Variants in VWF observed in about 807,000 individuals in gnomAD.
VWF encodes the protein Factor VIII related antigen.
A neutral mutation model predicts 308.6 loss-of-function variants in VWF; 176 were observed. The ratio of observed to expected loss-of-function variants is 0.57; its 90% CI spans 0.50 to 0.65. The LOEUF (loss-of-function observed/expected upper bound fraction) is 0.65. VWF is among the 30% of genes least tolerant of loss of function. The probability of loss-of-function intolerance (pLI) is 0.00; values close to 1 mark genes in which losing one functional copy is unlikely to be tolerated. For synonymous variants in VWF, 1,385 were observed against 1,443.4 expected (o/e 0.96, Z 0.92); for missense variants, 3,146 against 3,648.2 (o/e 0.86, Z 3.55).
At chr12:6,013,350 A>G in intron 32 of VWF, 131 bp downstream of exon 32, 2 of 1,152,544 alleles carry the variant, frequency 1.7e-6, no homozygotes, top group South Asian at 2.5e-5. Context: ...GGTCTATATA[A>G]TAATCTTCAT....
rs998158593 is a variant in VWF, at chr12:6,044,454, C to T, written c.2282-3G>A. The T allele has an allele frequency of 1.4e-5, 23 of 1,613,822 alleles. No individual in the cohort carries two copies. The highest frequency in any genetic ancestry group is 1.9e-5 in the Non-Finnish European group (22 of 1,179,960). The stretch of plus-strand genomic sequence containing the variant: ...CCGACAGGATAGGCTCCTTTTGCCT[C>T]GAAGGTAGGAAAAGCAAAGAGATGA... On this transcript the variant is annotated splice_polypyrimidine_tract_variant and splice_region_variant and intron_variant, in intron 17 of 51. Coordinates refer to ENST00000261405, the MANE Select transcript of VWF (RefSeq NM_000552.5).
chr12:6,110,038 G>A (rs927272061), intron 5 of VWF, among the ~76,000 whole-genome samples: 1 of 152,174 alleles, frequency 6.6e-6, no homozygotes, highest in Admixed American at 6.5e-5. Flanking sequence ...GGATGGTGTG[G>A]AGGACCGACC....
At chr12:6,099,125 G>A (rs1164292808) in intron 5 of VWF, among the ~76,000 whole-genome samples, 1 of 151,972 alleles carries the variant, frequency 6.6e-6, no homozygotes, top group African/African-American at 2.4e-5. Flanking sequence ...TTCAAGATCA[G>A]CCTGTCCAAC....
At chr12:5,973,248 C>T (rs1006879768) in intron 43 of VWF, among the ~76,000 whole-genome samples, 5 of 152,222 alleles carry the variant, frequency 3.3e-5, no homozygotes, top group Non-Finnish European at 5.9e-5. Context: ...CTTATATCGA[C>T]ATTTGATATC....
chr12:6,069,583 G>A (rs1281716005), intron 10 of VWF, among the ~76,000 whole-genome samples: 2 of 152,202 alleles, frequency 1.3e-5, no homozygotes, highest in African/African-American at 2.4e-5. Context: ...ATGGCAGGGT[G>A]TGGAAATATG....
At chr12:6,041,355 G>A (rs558261723) in intron 18 of VWF, among the ~76,000 whole-genome samples, 2 of 151,862 alleles carry the variant, frequency 1.3e-5, no homozygotes, top group Non-Finnish European at 1.5e-5. Context: ...ACTAGAACCT[G>A]GGAGGTGGGG....
At chr12:6,028,673 G>A (rs891470784) in intron 22 of VWF, among the ~76,000 whole-genome samples, 1 of 152,156 alleles carries the variant, frequency 6.6e-6, no homozygotes, top group African/African-American at 2.4e-5. Flanking sequence ...CTTCATAAGT[G>A]AAAGAGAAAT....
intron 15 of VWF, among the ~76,000 whole-genome samples, chr12:6,054,767 A>G (rs1944557679): frequency 7.2e-6 from 1 of 138,634 alleles, no homozygotes; most frequent in Admixed American, 8.1e-5. Flanking sequence ...GTGCTCCCTG[A>G]GTGTCTCCAA....
At chr12:6,039,420 C>CT (rs1361855828) in intron 18 of VWF, among the ~76,000 whole-genome samples, 2 of 152,206 alleles carry the variant, frequency 1.3e-5, no homozygotes, top group African/African-American at 4.8e-5. Context: ...TCTCCAGAAT[C>CT]TTTTTTACCT....
At chr12:6,103,312 G>A (rs1442501688) in intron 5 of VWF, among the ~76,000 whole-genome samples, 1 of 151,378 alleles carries the variant, frequency 6.6e-6, no homozygotes, top group Non-Finnish European at 1.5e-5. Flanking sequence ...GGGCAACAGA[G>A]CGAGACTCCG....
chr12:6,106,118 C>T (rs1219523459), intron 5 of VWF, among the ~76,000 whole-genome samples: 1 of 152,172 alleles, frequency 6.6e-6, no homozygotes, highest in African/African-American at 2.4e-5. Flanking sequence ...GCTTTATTCA[C>T]TATAGGCAAA....
chr12:6,081,947 T>C (rs1002000825), intron 6 of VWF, among the ~76,000 whole-genome samples: 2 of 152,206 alleles, frequency 1.3e-5, no homozygotes, highest in African/African-American at 2.4e-5. Flanking sequence ...TTGGAATTTA[T>C]CGTTCTTTTT....
At chr12:6,011,518 A>G (rs968027110) in intron 34 of VWF, 99 bp downstream of exon 34, 2 of 997,158 alleles carry the variant, frequency 2.0e-6, no homozygotes, top group Non-Finnish European at 1.5e-6. Flanking sequence ...GGGAAAGGGT[A>G]CTTCTGGGCT....
At chr12:6,045,060 C>T (rs1944434190) in intron 17 of VWF, among the ~76,000 whole-genome samples, 1 of 152,222 alleles carries the variant, frequency 6.6e-6, no homozygotes, top group Non-Finnish European at 1.5e-5. Context: ...ATCTCACTTA[C>T]TTGTTTACTG....
chr12:5,949,080 C>T lies in VWF; in HGVS notation c.8377G>A (p.Val2793Ile). Reference sequence around the variant, plus strand: ...GCATTGAGAACCTCATGGTACACAACAGAGCCATTGGTGCAGTGCAGGGCC... The same window carrying T: ...GCATTGAGAACCTCATGGTACACAATAGAGCCATTGGTGCAGTGCAGGGCC... ...QVALHCTNGS[V>I]VYHEVLNAME... The change falls in exon 52 of 52, where the codon GTT becomes ATT. Residue 2793 changes from valine to isoleucine, a missense_variant. Val to Ile is a conservative substitution (Grantham distance 29). Coordinates refer to ENST00000261405, the MANE Select transcript of VWF (RefSeq NM_000552.5). The T allele has an allele frequency of 6.2e-7, 1 of 1,614,236 alleles. No homozygotes were observed.
intron 42 of VWF, among the ~76,000 whole-genome samples, chr12:5,978,912 C>T (rs544017711): frequency 1.3e-4 from 20 of 152,280 alleles, no homozygotes; most frequent in Admixed American, 3.9e-4. Context: ...GAGCCCAGCA[C>T]GCCTTATTGT....
chr12:5,974,196 T>C (rs143344178), intron 43 of VWF, among the ~76,000 whole-genome samples: 1 of 152,162 alleles, frequency 6.6e-6, no homozygotes, highest in Non-Finnish European at 1.5e-5. Flanking sequence ...CAGAATGAAG[T>C]CTGAGACCAT....
intron 34 of VWF, among the ~76,000 whole-genome samples, chr12:5,996,527 TACA>T (rs1312065056): frequency 6.6e-6 from 1 of 152,150 alleles, no homozygotes; most frequent in African/African-American, 2.4e-5. Context: ...TAATCCATTC[TACA>T]GGGATGCCTT....
chr12:6,016,358 G>A, intron 30 of VWF, 126 bp from the exon 31 acceptor site: 1 of 1,490,806 alleles, frequency 6.7e-7, no homozygotes, highest in South Asian at 1.2e-5. Flanking sequence ...ACCCAGTTGA[G>A]ATCTGGAGAG....
Sources: allele counts gnomAD v4.1 joint callset (sites outside exome capture counted in the v4.1 genomes callset), GRCh38; gene constraint gnomAD v4.1.1; transcripts MANE v1.5; gene names NCBI Gene and HGNC (gene_info 2026-07-23, HGNC 2026-07-21).